Variants in CLINT1 observed in about 807,000 individuals in gnomAD.
The protein encoded by CLINT1 is clathrin interacting protein localized in the trans-Golgi region.
A neutral mutation model predicts 70.4 loss-of-function variants in CLINT1; 15 were observed. That is an observed-to-expected ratio of 0.21 (90% confidence interval 0.14 to 0.33). The LOEUF (loss-of-function observed/expected upper bound fraction) is 0.33. Among genes scored for constraint, CLINT1 ranks in the 10% least tolerant of loss-of-function variants. CLINT1 has a pLI of 1.00. For synonymous variants in CLINT1, 227 were observed against 254.7 expected, an observed-to-expected ratio of 0.89 and a Z score of 1.04; for missense variants, 615 against 778.1, an observed-to-expected ratio of 0.79 and a Z score of 2.49.
chr5:157,845,638 G>A (rs571661058), intron 1 of CLINT1, among the ~76,000 whole-genome samples: 75 of 149,518 alleles, frequency 5.0e-4, no homozygotes, highest in Middle Eastern at 3.5e-3. Flanking sequence ...TGCAAGCTCC[G>A]CCTCCCGGGT....
intron 5 of CLINT1, 52 bp from the exon 6 acceptor site, chr5:157,809,857 G>C: frequency 1.3e-6 from 2 of 1,530,422 alleles, no homozygotes; most frequent in Non-Finnish European, 1.8e-6. Flanking sequence ...AAATTCAAAA[G>C]GTATCTACAA....
intron 1 of CLINT1, among the ~76,000 whole-genome samples, chr5:157,841,712 C>T (rs1038023596): frequency 3.9e-5 from 6 of 152,238 alleles, no homozygotes; most frequent in African/African-American, 9.6e-5. Context: ...CCTCCATCTG[C>T]GGAGCTCAAG....
chr5:157,792,104 A>G, intron 9 of CLINT1, 109 bp from the exon 10 acceptor site: 1 of 852,774 alleles, frequency 1.2e-6, no homozygotes, highest in Non-Finnish European at 1.8e-6. Flanking sequence ...CCCCAGATTA[A>G]CATCTGCAGG....
At chr5:157,834,925 T>C (rs1763368928) in intron 1 of CLINT1, among the ~76,000 whole-genome samples, 2 of 152,196 alleles carry the variant, frequency 1.3e-5, no homozygotes, top group South Asian at 4.1e-4. Context: ...ATACGCAAAT[T>C]TGCCTACTCA....
intron 1 of CLINT1, among the ~76,000 whole-genome samples, chr5:157,842,902 G>A (rs562541772): frequency 6.6e-6 from 1 of 152,248 alleles, no homozygotes; most frequent in Non-Finnish European, 1.5e-5. Context: ...GTTGCTTAAG[G>A]CCACTTGCAC....
At chr5:157,849,613 A>C (rs1315824903) in intron 1 of CLINT1, among the ~76,000 whole-genome samples, 1 of 152,322 alleles carries the variant, frequency 6.6e-6, no homozygotes, top group South Asian at 2.1e-4. Flanking sequence ...TGCTAAATAC[A>C]TATTCTGAAA....
intron 1 of CLINT1, among the ~76,000 whole-genome samples, chr5:157,829,062 A>G (rs192360398): frequency 8.3e-4 from 127 of 152,112 alleles, no homozygotes; most frequent in Admixed American, 2.8e-3. Context: ...AGATCACACC[A>G]TTGCACTCCA....
At chr5:157,805,320 G>A (rs1762353669) in intron 7 of CLINT1, among the ~76,000 whole-genome samples, 2 of 152,144 alleles carry the variant, frequency 1.3e-5, no homozygotes, top group African/African-American at 4.8e-5. Context: ...ACTAGGGTTT[G>A]GCCAGGTACC....
At chr5:157,843,837 A>T (rs887226245) in intron 1 of CLINT1, among the ~76,000 whole-genome samples, 1 of 152,236 alleles carries the variant, frequency 6.6e-6, no homozygotes, top group Non-Finnish European at 1.5e-5. Context: ...GCACTGGCAC[A>T]ATATGTGAAA....
At chr5:157,843,235 T>C (rs1422495026) in intron 1 of CLINT1, among the ~76,000 whole-genome samples, 2 of 152,200 alleles carry the variant, frequency 1.3e-5, no homozygotes, top group South Asian at 2.1e-4. Context: ...TTCATCTAAA[T>C]TTTAAACTTT....
At chr5:157,795,075 G>T in intron 8 of CLINT1, 103 bp from the exon 9 acceptor site, 1 of 839,194 alleles carries the variant, frequency 1.2e-6, no homozygotes, top group Non-Finnish European at 1.9e-6. Context: ...AATATTAGAG[G>T]CCCAGATGCC....
At chr5:157,805,453 G>A (rs1334404210) in intron 7 of CLINT1, among the ~76,000 whole-genome samples, 3 of 152,146 alleles carry the variant, frequency 2.0e-5, no homozygotes, top group Non-Finnish European at 4.4e-5. Context: ...TATAGGCAAC[G>A]TTTCTACATT....
chr5:157,821,561 T>C (rs1251286931), intron 1 of CLINT1, among the ~76,000 whole-genome samples: 1 of 152,228 alleles, frequency 6.6e-6, no homozygotes, highest in Non-Finnish European at 1.5e-5. Flanking sequence ...AAGTACAAAA[T>C]GAGCCCTTCT....
chr5:157,795,137 C>A, intron 8 of CLINT1, 165 bp from the exon 9 acceptor site: 1 of 620,946 alleles, frequency 1.6e-6, no homozygotes, highest in South Asian at 2.0e-5. Flanking sequence ...TCACTATGTT[C>A]CCTATGAGCT....
intron 11 of CLINT1, 58 bp downstream of exon 11, chr5:157,789,305 G>T: frequency 1.4e-6 from 2 of 1,420,836 alleles, no homozygotes; most frequent in Non-Finnish European, 2.0e-6. Flanking sequence ...AGTAGTCCTG[G>T]CATTAAGGCA....
chr5:157,820,741 A>G (rs775762285), intron 1 of CLINT1, among the ~76,000 whole-genome samples: 4 of 152,226 alleles, frequency 2.6e-5, no homozygotes, highest in Non-Finnish European at 5.9e-5. Context: ...TGTTAAAAAT[A>G]AAAATAAAAA....
At chr5:157,817,024 C>A (rs1762740819) in intron 2 of CLINT1, among the ~76,000 whole-genome samples, 194 bp from the exon 3 acceptor site, 1 of 151,918 alleles carries the variant, frequency 6.6e-6, no homozygotes, top group Admixed American at 6.6e-5. Flanking sequence ...ATATGTAAGC[C>A]CCACTAATTA....
chr5:157,833,312 ATGCACTTCAGCC>A (rs1763306989), intron 1 of CLINT1, among the ~76,000 whole-genome samples: 1 of 151,902 alleles, frequency 6.6e-6, no homozygotes, highest in Non-Finnish European at 1.5e-5. Flanking sequence ...GATCATGCCA[ATGCACTTCAGCC>A]TGGGTGACAG....
chr5:157,843,662 A>G (rs1373606911), intron 1 of CLINT1, among the ~76,000 whole-genome samples: 3 of 152,224 alleles, frequency 2.0e-5, no homozygotes, highest in African/African-American at 7.2e-5. Context: ...ACAACCAGTT[A>G]TCTTTTTAAA....
Sources: gnomAD v4.1 joint callset for allele counts (sites outside exome capture counted in the v4.1 genomes callset) on GRCh38, gnomAD v4.1.1 for gene constraint, MANE v1.5 for transcripts, NCBI Gene and HGNC (gene_info 2026-07-23, HGNC 2026-07-21) for gene names.